PRMT8: variants seen among roughly 807,000 people sequenced by gnomAD.
PRMT8 encodes the protein protein arginine methyltransferase 8.
In PRMT8, 7 loss-of-function variants were observed where a neutral mutation model predicts 47.1. That is an observed-to-expected ratio of 0.15 (90% CI 0.08 to 0.28). The LOEUF is 0.28. PRMT8 is among the 10% of genes least tolerant of loss of function. The pLI is 1.00. For missense variants in PRMT8, 237 were observed against 505.4 expected (o/e 0.47, Z 5.09); for synonymous variants, 188 against 186.5 (o/e 1.01, Z -0.07).
Position 3,576,111 on chromosome 12 carries a change from A to G in PRMT8, c.713-760A>G, listed in dbSNP as rs1196432346. 1.3e-5 allele frequency among the ~76,000 whole-genome samples: 2 copies of G among 152,194 alleles called. No individual in the cohort carries two copies. Among genetic ancestry groups the G allele is most frequent in the African/African-American group, 4.8e-5 (2 of 41,452 alleles). ...CCCCCTAGATCTTTCTCCCTCCCAT[A>G]CAAAGTATCTTATGAGTAGCCCAAA... On this transcript the variant is annotated intron_variant, in intron 6 of 9. Coordinates refer to ENST00000382622, the MANE Select transcript of PRMT8 (RefSeq NM_019854.5). This position sits in a 1 kb window ranked among gnomAD's most constrained non-coding sequence, Gnocchi z 4.0.
In PRMT8 at chr12:3,569,642, G is replaced by A; in HGVS notation, c.712+78G>A. 8.6e-7 allele frequency: 1 copy of A among 1,161,222 alleles called. No homozygotes were observed. The highest frequency in any genetic ancestry group is 1.3e-6 in the Non-Finnish European group (1 of 768,430). 71.9% of individuals were successfully genotyped at this position (1,161,222 alleles called of 1,614,324 possible). ...AGGCACTCCAGTGGGCCCGAGATGA[G>A]CAGGCAGTGACATGAACACCATTGC... is the stretch of plus-strand genomic sequence containing the variant. On this transcript the variant is annotated intron_variant, in intron 6 of 9. Coordinates refer to ENST00000382622, the MANE Select transcript of PRMT8 (RefSeq NM_019854.5). The surrounding 1 kb of genome is among the most constrained non-coding windows in gnomAD (Gnocchi z 8.2).
At chr12:3,489,837 G>GCA (rs756155624), upstream of PRMT8, among the ~76,000 whole-genome samples, 1,948 of 137,304 alleles carry the variant, frequency 0.014, 40 homozygotes, top group African/African-American at 0.056. Context: ...ACACACACGC[G>GCA]CGCACACACA....
intron 1 of PRMT8, among the ~76,000 whole-genome samples, chr12:3,392,374 A>T (rs1864201740): frequency 1.2e-5 from 1 of 84,452 alleles, no homozygotes; most frequent in South Asian, 4.8e-4. Context: ...CCCCCACCCC[A>T]CAACAGTCCC....
intron 1 of PRMT8, among the ~76,000 whole-genome samples, chr12:3,527,663 G>C (rs1865967865): frequency 6.6e-6 from 1 of 151,876 alleles, no homozygotes; most frequent in Admixed American, 6.6e-5. Context: ...ATTCTTACAA[G>C]ATTTTTAAAA....
intron 8 of PRMT8, among the ~76,000 whole-genome samples, chr12:3,587,390 A>G (rs1867203207): frequency 1.3e-5 from 2 of 151,662 alleles, no homozygotes; most frequent in African/African-American, 4.8e-5. Flanking sequence ...ATTAAAAATA[A>G]ATTGTTTTTA....
intron 3 of PRMT8, 192 bp from the exon 4 acceptor site, chr12:3,553,459 A>G: frequency 1.6e-6 from 1 of 612,432 alleles, no homozygotes; most frequent in Admixed American, 2.8e-5. Context: ...AGGCAGCCCA[A>G]TTTCGTGGAA....
Position 3,593,478 on chromosome 12 carries a change from TCTC to T in PRMT8, c.*302_*304del, listed in dbSNP as rs1867357526. ...GTGGAAACGTATTCGCGTCTCCCCGTCTCCTCCTTAACTGTGACTCTCCGGGTC... is the reference window on the plus strand; with the variant it reads ...GTGGAAACGTATTCGCGTCTCCCCGTCTCCTTAACTGTGACTCTCCGGGTC... On this transcript the variant is annotated 3_prime_UTR_variant, in exon 10 of 10. Transcript: ENST00000382622. The surrounding 1 kb of genome is among the most constrained non-coding windows in gnomAD (Gnocchi z 4.8). The T allele has an allele frequency of 1.8e-5, 7 of 396,244 alleles. No individual in the cohort carries two copies. The highest frequency in any genetic ancestry group is 1.0e-4 in the South Asian group (4 of 38,118). 24.5% of individuals were successfully genotyped at this position (396,244 alleles called of 1,614,324 possible). A position where few individuals can be genotyped will look rare whatever the true frequency, so the allele number is the denominator to read the frequency against.
intron 2 of PRMT8, among the ~76,000 whole-genome samples, chr12:3,541,698 AATG>A (rs1866233146): frequency 6.6e-6 from 1 of 152,232 alleles, no homozygotes; most frequent in Admixed American, 6.5e-5. Flanking sequence ...CCTATGTGGA[AATG>A]ATGACCCTGC....
At chr12:3,410,773 C>T (rs1227937500) in intron 1 of PRMT8, among the ~76,000 whole-genome samples, 2 of 152,206 alleles carry the variant, frequency 1.3e-5, no homozygotes, top group South Asian at 2.1e-4. Context: ...TCCCAAAGTG[C>T]TGGGGTTACA....
chr12:3,543,359 G>C (rs111714892), intron 2 of PRMT8, among the ~76,000 whole-genome samples: 1 of 152,234 alleles, frequency 6.6e-6, no homozygotes, highest in African/African-American at 2.4e-5. Context: ...GGCCTACCCA[G>C]TTCTTGTTAT....
At chr12:3,549,711 G>A (rs1591597147) in intron 2 of PRMT8, among the ~76,000 whole-genome samples, 1 of 152,220 alleles carries the variant, frequency 6.6e-6, no homozygotes, top group East Asian at 1.9e-4. Context: ...CTCTTCTGAT[G>A]GTGAATAGCT....
intron 1 of PRMT8, among the ~76,000 whole-genome samples, chr12:3,507,838 A>C (rs1437327747): frequency 2.0e-5 from 3 of 148,730 alleles, no homozygotes; most frequent in Non-Finnish European, 4.4e-5. Flanking sequence ...GGATCACTGC[A>C]ACCTCTGCCT....
At chr12:3,454,959 C>T (rs1341993397) in intron 1 of PRMT8, among the ~76,000 whole-genome samples, 1 of 152,114 alleles carries the variant, frequency 6.6e-6, no homozygotes, top group Non-Finnish European at 1.5e-5. Flanking sequence ...GCTGACGCAC[C>T]AAAGAATGCA....
chr12:3,581,073 TGCAA>T (rs1867052568), intron 7 of PRMT8, among the ~76,000 whole-genome samples: 1 of 152,138 alleles, frequency 6.6e-6, no homozygotes, highest in Admixed American at 6.5e-5. Context: ...CCGACCTAAA[TGCAA>T]GCTGAACCAG....
chr12:3,467,994 G>A (rs1865120499), intron 1 of PRMT8, among the ~76,000 whole-genome samples: 1 of 152,186 alleles, frequency 6.6e-6, no homozygotes, highest in African/African-American at 2.4e-5. Flanking sequence ...GGCTGACTCA[G>A]GGAACCTCTA....
chr12:3,405,935 C>T (rs1278112733), intron 1 of PRMT8, among the ~76,000 whole-genome samples: 1 of 152,262 alleles, frequency 6.6e-6, no homozygotes, highest in African/African-American at 2.4e-5. Flanking sequence ...AGTGGGGACT[C>T]TGTGTGGGGG....
At chr12:3,382,187 T>C (rs1312164081) in intron 1 of PRMT8, among the ~76,000 whole-genome samples, 1 of 152,236 alleles carries the variant, frequency 6.6e-6, no homozygotes, top group South Asian at 2.1e-4. Context: ...AAAGGTGCTA[T>C]GAACAGTCGT....
chr12:3,479,504 T>C (rs1865251968), intron 1 of PRMT8, among the ~76,000 whole-genome samples: 1 of 152,152 alleles, frequency 6.6e-6, no homozygotes, highest in Non-Finnish European at 1.5e-5. Context: ...TTATGTCCTG[T>C]CTCTTGGCAC....
intron 1 of PRMT8, among the ~76,000 whole-genome samples, chr12:3,388,639 G>GTC (rs10655271): frequency 0.96 from 146,814 of 152,192 alleles, 71,052 homozygotes; most frequent in East Asian, 1. Context: ...AAGAAACTGA[G>GTC]TTAGAGAGAT....
Sources: allele counts gnomAD v4.1 joint callset (sites outside exome capture counted in the v4.1 genomes callset), GRCh38; gene constraint gnomAD v4.1.1; non-coding constraint Gnocchi (gnomAD v3.1); transcripts MANE v1.5; gene names NCBI Gene and HGNC (gene_info 2026-07-23, HGNC 2026-07-21).